CRBN: variants seen among roughly 807,000 people sequenced by gnomAD.
CRBN encodes protein cereblon.
Under a neutral mutation model 62.2 loss-of-function variants are expected in CRBN, and 53 were observed. That is an observed-to-expected ratio of 0.85 (90% CI 0.68 to 1.07). The LOEUF (loss-of-function observed/expected upper bound fraction) is 1.07, where lower values mean the gene tolerates loss of function less well. CRBN is among the 50% of genes least tolerant of loss of function. The pLI is 0.00. For synonymous variants in CRBN, 208 were observed against 176.1 expected, an observed-to-expected ratio of 1.18 and a Z score of -1.43; for missense variants, 616 against 531.1, an observed-to-expected ratio of 1.16 and a Z score of -1.57.
At chr3:3,152,367 A>AT in intron 10 of CRBN, 89 bp downstream of exon 10, 1 of 1,350,690 alleles carries the variant, frequency 7.4e-7, no homozygotes, top group South Asian at 1.3e-5. Context: ...TATTATAAAG[A>AT]TTGTGGCAAC....
Position 3,153,967 on chromosome 3 carries a change from A to G in CRBN, c.944T>C (p.Met315Thr). 1 of 1,590,704 alleles carries G rather than the reference A, an allele frequency of 6.3e-7. No homozygotes were observed. The highest frequency in any genetic ancestry group is 1.1e-5 in the South Asian group (1 of 90,618). Reference protein sequence around the residue: ...IQRLRCELDIMNKCTSLCCKQ... With the variant: ...IQRLRCELDITNKCTSLCCKQ... ...CATATTCACTTTACTCACTTTATTC[A>G]TAATGTCTAATTCACAGCGAAGTCG... Residue 315 changes from methionine to threonine, a missense_variant, in exon 8 of 11, where the codon ATG (methionine) becomes ACG (threonine). Coordinates refer to ENST00000231948, the MANE Select transcript of CRBN (RefSeq NM_016302.4).
At chr3:3,151,296 T>G (rs934146606) in intron 10 of CRBN, among the ~76,000 whole-genome samples, 1 of 152,134 alleles carries the variant, frequency 6.6e-6, no homozygotes, top group African/African-American at 2.4e-5. Flanking sequence ...AAATAAAGAG[T>G]AATCTTAAGA....
At chr3:3,173,052 TTTTA>T (rs201165279) in intron 3 of CRBN, 127 bp from the exon 4 acceptor site, 54 of 754,124 alleles carry the variant, frequency 7.2e-5, no homozygotes, top group Admixed American at 3.0e-4. Flanking sequence ...GCTAGGATAA[TTTTA>T]TTTATTTATT....
rs561389131 is a variant in CRBN, at chr3:3,152,433, AGC to A, written c.1148+21_1148+22del. The A allele has an allele frequency of 6.8e-4, 1,092 of 1,601,492 alleles. 5 individuals carry two copies. In the African/African-American group the frequency reaches 0.013, roughly 19 times the overall value. On this transcript the variant is annotated intron_variant, in intron 10 of 10. Transcript: ENST00000231948. Reference sequence around the variant, plus strand: ...ATTAAGGTAAAAAAAGAAAAAAAAAAGCAACCACCACCATAATATTACCCAGG... The same window carrying A: ...ATTAAGGTAAAAAAAGAAAAAAAAAAAACCACCACCATAATATTACCCAGG...
chr3:3,158,287 G>T (rs779827737), intron 5 of CRBN, among the ~76,000 whole-genome samples: 1 of 152,140 alleles, frequency 6.6e-6, no homozygotes, highest in African/African-American at 2.4e-5. Flanking sequence ...AAGAGGTGGC[G>T]CTCAGCTTCA....
intron 10 of CRBN, among the ~76,000 whole-genome samples, chr3:3,151,260 G>C (rs116054293): frequency 6.6e-6 from 1 of 152,086 alleles, no homozygotes; most frequent in South Asian, 2.1e-4. Flanking sequence ...CTTAAGCCAT[G>C]TTTACATTTT....
intron 4 of CRBN, among the ~76,000 whole-genome samples, chr3:3,168,505 A>G (rs906847975): frequency 2.0e-5 from 3 of 152,188 alleles, no homozygotes; most frequent in Non-Finnish European, 4.4e-5. Flanking sequence ...TCTATGAGCT[A>G]TCTTCCTGTG....
chr3:3,152,349 C>T, intron 10 of CRBN, 107 bp downstream of exon 10: 1 of 1,232,710 alleles, frequency 8.1e-7, no homozygotes, highest in South Asian at 1.3e-5. Flanking sequence ...ATTTGTCTGT[C>T]TACTTTTTAT....
chr3:3,151,116 A>G (rs1221081101), intron 10 of CRBN, 71 bp from the exon 11 acceptor site: 8 of 1,520,194 alleles, frequency 5.3e-6, no homozygotes, highest in African/African-American at 1.4e-5. Flanking sequence ...TAAACCTATC[A>G]TGAAGACAGA....
At chr3:3,172,678 G>A in intron 4 of CRBN, 98 bp downstream of exon 4, 2 of 1,302,126 alleles carry the variant, frequency 1.5e-6, no homozygotes, top group Non-Finnish European at 2.2e-6. Flanking sequence ...CTAGTTAAAA[G>A]TTACAAAATA....
intron 7 of CRBN, 35 bp from the exon 8 acceptor site, chr3:3,154,110 G>T (rs569634680): frequency 3.2e-6 from 4 of 1,257,920 alleles, no homozygotes; most frequent in Non-Finnish European, 3.5e-6. Flanking sequence ...TTAAACTTAG[G>T]AGTCAGATAA....
At chr3:3,154,298 G>T in intron 7 of CRBN, 2 of 540,688 alleles carry the variant, frequency 3.7e-6, no homozygotes, top group South Asian at 4.2e-5. Flanking sequence ...ATCCTTTTAT[G>T]TTAAACATGA....
In CRBN at chr3:3,173,791, T is replaced by C. The variant is rs1368755852; in HGVS notation, c.377+268A>G. The C allele has an allele frequency of 1.9e-5, 9 of 476,346 alleles. No homozygotes were observed. The East Asian group carries it at 3.3e-4, about 18-fold the overall frequency. 29.5% of individuals were successfully genotyped at this position (476,346 alleles called of 1,614,324 possible). A position where few individuals can be genotyped will look rare whatever the true frequency, so the allele number is the denominator to read the frequency against. On this transcript the variant is annotated intron_variant, in intron 3 of 10. Transcript: ENST00000231948. ...TGAAACTAAGATTCCAGAAATGTTT[T>C]TCATCAAATATAAATGATTAAAAAT... is the stretch of plus-strand genomic sequence containing the variant.
intron 5 of CRBN, among the ~76,000 whole-genome samples, chr3:3,162,333 A>G (rs1408728842): frequency 1.3e-5 from 2 of 151,992 alleles, no homozygotes; most frequent in African/African-American, 4.8e-5. Flanking sequence ...TTTGAGGAGG[A>G]TTTTTACTGT....
chr3:3,174,146 A>C lies in CRBN; in HGVS notation c.290T>G (p.Leu97Ter), dbSNP rs1317907576. 1 of 1,614,034 alleles carries C rather than the reference A, an allele frequency of 6.2e-7. No homozygotes were observed. The highest frequency in any genetic ancestry group is 8.5e-7 in the Non-Finnish European group (1 of 1,179,992). The change falls in exon 3 of 11, where the codon TTA (leucine) becomes TGA (stop). Residue 97 changes from leucine (L) to a stop codon, truncating the protein, a stop_gained. Coordinates refer to ENST00000231948, the MANE Select transcript of CRBN (RefSeq NM_016302.4). LOFTEE classifies it high-confidence loss of function. Reference sequence around the variant, plus strand: ...TTGAGGGTGAAAAAGCTGAAGAGGTAATGTCTGTCCGGGAATCAGGATCAT... The same window carrying C: ...TTGAGGGTGAAAAAGCTGAAGAGGTCATGTCTGTCCGGGAATCAGGATCAT... ...VMMILIPGQT[L>*]PLQLFHPQEV...
At chr3:3,173,458 A>G (rs1707709544) in intron 3 of CRBN, among the ~76,000 whole-genome samples, 1 of 152,224 alleles carries the variant, frequency 6.6e-6, no homozygotes, top group Non-Finnish European at 1.5e-5. Context: ...GTCACTGAAA[A>G]TAATTTAGAA....
chr3:3,159,698 T>G (rs1416912880), intron 5 of CRBN, among the ~76,000 whole-genome samples: 1 of 152,118 alleles, frequency 6.6e-6, no homozygotes, highest in Non-Finnish European at 1.5e-5. Context: ...GCATAATACA[T>G]CCTTAATATT....
At chr3:3,169,112 T>G (rs554749294) in intron 4 of CRBN, among the ~76,000 whole-genome samples, 18 of 152,308 alleles carry the variant, frequency 1.2e-4, no homozygotes, top group Non-Finnish European at 2.5e-4. Context: ...AAGATTTGAT[T>G]ATGATAAAAA....
chr3:3,174,861 G>A (rs530296435), intron 2 of CRBN, among the ~76,000 whole-genome samples: 5 of 152,132 alleles, frequency 3.3e-5, no homozygotes, highest in Admixed American at 1.3e-4. Context: ...ATCACAAACA[G>A]TAAGTATAAA....
Sources: allele counts gnomAD v4.1 joint callset (sites outside exome capture counted in the v4.1 genomes callset), GRCh38; gene constraint gnomAD v4.1.1; transcripts MANE v1.5; gene names NCBI Gene and HGNC (gene_info 2026-07-23, HGNC 2026-07-21).